LAMA1: variants seen among roughly 807,000 people sequenced by gnomAD.
The protein encoded by LAMA1 is laminin subunit alpha-1.
LAMA1 carries 219 observed loss-of-function variants against 348.7 expected under a neutral mutation model. The ratio of observed to expected loss-of-function variants is 0.63; its 90% CI spans 0.56 to 0.70. LAMA1 has a LOEUF of 0.70. LAMA1 is among the 30% of genes least tolerant of loss of function. LAMA1 has a pLI of 0.00. For synonymous variants in LAMA1, 1,487 were observed against 1,491.0 expected (o/e 1.00, Z 0.06); for missense variants, 3,744 against 3,888.0 (o/e 0.96, Z 0.99).
intron 1 of LAMA1, among the ~76,000 whole-genome samples, chr18:7,095,163 G>A (rs1441267734): frequency 8.4e-6 from 1 of 119,090 alleles, no homozygotes; most frequent in African/African-American, 3.3e-5. Context: ...TCTCTCCTCT[G>A]CTGTCATTAA....
At chr18:7,011,591 C>G in intron 24 of LAMA1, 112 bp from the exon 25 acceptor site, 1 of 1,065,574 alleles carries the variant, frequency 9.4e-7, no homozygotes, top group Non-Finnish European at 1.4e-6. Flanking sequence ...ATTATTAAAA[C>G]AGAAACAGTA....
At chr18:7,082,408 C>T (rs2058196666) in intron 1 of LAMA1, among the ~76,000 whole-genome samples, 2 of 152,050 alleles carry the variant, frequency 1.3e-5, no homozygotes, top group Admixed American at 1.3e-4. Context: ...TATGCGGAAC[C>T]AGATGAGTCA....
intron 1 of LAMA1, among the ~76,000 whole-genome samples, chr18:7,085,952 C>A (rs1568061903): frequency 1.3e-5 from 2 of 152,150 alleles, no homozygotes. Flanking sequence ...ATTCTAATAA[C>A]ATAGTATTCC....
intron 16 of LAMA1, among the ~76,000 whole-genome samples, chr18:7,031,806 T>C (rs1197598123): frequency 6.6e-6 from 1 of 151,558 alleles, no homozygotes; most frequent in Non-Finnish European, 1.5e-5. Flanking sequence ...ACAATTACTT[T>C]ATATTAATCT....
chr18:7,060,796 G>A (rs2058099317), intron 3 of LAMA1, among the ~76,000 whole-genome samples: 1 of 152,104 alleles, frequency 6.6e-6, no homozygotes, highest in Non-Finnish European at 1.5e-5. Flanking sequence ...AGCCCACCCC[G>A]CAAGCTGACC....
chr18:6,954,284 T>C (rs1272541819), intron 57 of LAMA1: 1 of 152,404 alleles, frequency 6.6e-6, no homozygotes, highest in Non-Finnish European at 1.5e-5. Context: ...GGCGGAATGT[T>C]GGCTTTTACC....
intron 1 of LAMA1, among the ~76,000 whole-genome samples, chr18:7,107,550 C>CAAGGATG (rs1279558583): frequency 1.3e-5 from 2 of 152,174 alleles, no homozygotes; most frequent in Non-Finnish European, 2.9e-5. Context: ...GACACACTAC[C>CAAGGATG]TTTGAACATC....
intron 24 of LAMA1, 126 bp from the exon 25 acceptor site, chr18:7,011,605 A>C (rs979370234): frequency 2.0e-6 from 2 of 1,009,952 alleles, no homozygotes; most frequent in Non-Finnish European, 3.0e-6. Flanking sequence ...AACAGTAAAG[A>C]CTTTTCCTTT....
At position 7,009,361 on chromosome 18, in the gene LAMA1, A is replaced by G. The variant is rs745593137; in HGVS notation, c.3879T>C (p.Phe1293=). 68 of 1,613,998 alleles carry G rather than the reference A, an allele frequency of 4.2e-5. No homozygotes were observed. Among genetic ancestry groups the G allele is most frequent in the Non-Finnish European group, 5.4e-5 (64 of 1,180,004 alleles). Residue 1293 remains phenylalanine (F), a synonymous_variant, in exon 27 of 63, where the codon TTT becomes TTC. Coordinates refer to ENST00000389658, the MANE Select transcript of LAMA1 (RefSeq NM_005559.4). ...CAGAAACAGAGTTAAAATATTTCCA[A>G]AAATTCTGTAGAATGAGAAACACAT... ...QEQEVAMREN[F]WKYFNSVSEK... is the part of the protein sequence containing the mutation.
intron 36 of LAMA1, 71 bp from the exon 37 acceptor site, chr18:6,986,418 A>G (rs2144060462): frequency 6.9e-7 from 1 of 1,453,680 alleles, no homozygotes; most frequent in East Asian, 2.3e-5. Flanking sequence ...ATAATAGTGG[A>G]AAAAATTTTT....
intron 3 of LAMA1, among the ~76,000 whole-genome samples, chr18:7,071,865 G>A (rs112354297): frequency 6.6e-6 from 1 of 152,202 alleles, no homozygotes; most frequent in African/African-American, 2.4e-5. Flanking sequence ...CAGGAGCCAA[G>A]TCACAGGCGA....
At chr18:7,080,561 T>C in intron 1 of LAMA1, 104 bp from the exon 2 acceptor site, 2 of 1,194,308 alleles carry the variant, frequency 1.7e-6, no homozygotes, top group Non-Finnish European at 1.2e-6. Context: ...TGAAAGTCTA[T>C]GTGCTGAATG....
Position 7,037,706 on chromosome 18 carries a change from T to C in LAMA1, c.1609A>G (p.Arg537Gly). The C allele has an allele frequency of 6.2e-7, 1 of 1,614,216 alleles. No homozygotes were observed. The highest frequency in any genetic ancestry group is 8.5e-7 in the Non-Finnish European group (1 of 1,180,030). Reference protein sequence around the residue: ...GWLVTDLISPRKIPSQQDALG... With the variant: ...GWLVTDLISPGKIPSQQDALG... The stretch of plus-strand genomic sequence containing the variant: ...GCATCTTGCTGAGACGGGATCTTCC[T>C]GGGACTGATCAAGTCGGTGACCAGC... Residue 537 changes from arginine (R) to glycine (G), a missense_variant, in exon 12 of 63, where the codon AGG (arginine) becomes GGG (glycine). By Grantham distance (125) the Arg-to-Gly change is moderately radical (BLOSUM62 -2). Coordinates refer to ENST00000389658, the MANE Select transcript of LAMA1 (RefSeq NM_005559.4).
At chr18:7,017,256 C>CA in intron 20 of LAMA1, 22 bp downstream of exon 20, 1 of 1,577,442 alleles carries the variant, frequency 6.3e-7, no homozygotes, top group Non-Finnish European at 8.7e-7. Flanking sequence ...GCTAAGGTGT[C>CA]AATTAGTCAC....
At chr18:6,952,205 G>C (rs1023595899) in intron 57 of LAMA1, among the ~76,000 whole-genome samples, 1 of 152,204 alleles carries the variant, frequency 6.6e-6, no homozygotes, top group African/African-American at 2.4e-5. Context: ...AAGGCGGGCC[G>C]AGAGAGAGCA....
At chr18:7,106,650 GC>G (rs1237551422) in intron 1 of LAMA1, among the ~76,000 whole-genome samples, 6 of 151,930 alleles carry the variant, frequency 3.9e-5, no homozygotes, top group African/African-American at 1.5e-4. Context: ...GTGAGCCACC[GC>G]GCCCGGCCAG....
In LAMA1 at chr18:7,043,205, A is replaced by G. The variant is rs368807986; in HGVS notation, c.1155+22T>C. 69 of 1,612,528 alleles carry G rather than the reference A, an allele frequency of 4.3e-5. No homozygotes were observed. In the African/African-American group the frequency reaches 8.9e-4, roughly 21 times the overall value. On this transcript the variant is annotated intron_variant, in intron 8 of 62. Coordinates refer to ENST00000389658, the MANE Select transcript of LAMA1 (RefSeq NM_005559.4). The stretch of plus-strand genomic sequence containing the variant: ...CCTGGGGAAGATGATGAAGATCAGC[A>G]ATGGCAAAGAAATACTCTTACTTTG...
At chr18:7,021,517 A>C (rs1290926695) in intron 19 of LAMA1, among the ~76,000 whole-genome samples, 1 of 152,086 alleles carries the variant, frequency 6.6e-6, no homozygotes, top group African/African-American at 2.4e-5. Context: ...AGTATTTCTG[A>C]GGAAAATGTA....
intron 1 of LAMA1, among the ~76,000 whole-genome samples, chr18:7,117,352 C>A (rs2058361602): frequency 6.6e-6 from 1 of 151,902 alleles, no homozygotes; most frequent in South Asian, 2.1e-4. Flanking sequence ...CAGCACTGCT[C>A]GCGTAGATGG....
Sources: gnomAD v4.1 joint callset for allele counts (sites outside exome capture counted in the v4.1 genomes callset) on GRCh38, gnomAD v4.1.1 for gene constraint, MANE v1.5 for transcripts, NCBI Gene and HGNC (gene_info 2026-07-23, HGNC 2026-07-21) for gene names.